The following RPH3A variants were observed in gnomAD, a reference collection of about 807,000 sequenced individuals.
RPH3A encodes the protein rabphilin 3A.
Under a neutral mutation model 102.2 loss-of-function variants are expected in RPH3A, and 48 were observed. The ratio of observed to expected loss-of-function variants is 0.47; its 90% CI spans 0.37 to 0.60. The LOEUF is 0.60. RPH3A is among the 20% of genes least tolerant of loss of function. The pLI, the probability that RPH3A is intolerant of heterozygous loss-of-function variation, is 0.00. For synonymous variants in RPH3A, 310 were observed against 324.3 expected, an observed-to-expected ratio of 0.96 and a Z score of 0.47; for missense variants, 781 against 910.1, an observed-to-expected ratio of 0.86 and a Z score of 1.83.
At chr12:112,762,931 G>A (rs1250804273) in intron 1 of RPH3A, among the ~76,000 whole-genome samples, 1 of 152,162 alleles carries the variant, frequency 6.6e-6, no homozygotes, top group Admixed American at 6.5e-5. Flanking sequence ...GACAGATTTG[G>A]GTCATGTGAC....
chr12:112,614,386 A>T (rs1380745383), intron 1 of RPH3A, among the ~76,000 whole-genome samples: 3 of 152,004 alleles, frequency 2.0e-5, no homozygotes, highest in Admixed American at 2.0e-4. Flanking sequence ...GTTGATGCAT[A>T]TAAGATCCTT....
At chr12:112,643,555 T>G (rs182419249) in intron 1 of RPH3A, among the ~76,000 whole-genome samples, 11 of 152,260 alleles carry the variant, frequency 7.2e-5, no homozygotes, top group Non-Finnish European at 1.6e-4. Flanking sequence ...TTCTGCTACA[T>G]GGGGCTTAAA....
At chr12:112,658,870 C>T (rs1190867381) in intron 1 of RPH3A, among the ~76,000 whole-genome samples, 1 of 152,128 alleles carries the variant, frequency 6.6e-6, no homozygotes, top group Non-Finnish European at 1.5e-5. Flanking sequence ...AGGCCAACGG[C>T]GCCTCATGGT....
chr12:112,704,179 C>T (rs1224039571), intron 1 of RPH3A, among the ~76,000 whole-genome samples: 1 of 152,038 alleles, frequency 6.6e-6, no homozygotes, highest in Non-Finnish European at 1.5e-5. Context: ...ACCTCCACCT[C>T]CCAGGTTCAA....
chr12:112,715,460 C>T lies in RPH3A; in HGVS notation c.-139-76683C>T, dbSNP rs79014412. Among the ~76,000 whole-genome samples, 1,310 of 152,216 alleles carry T rather than the reference C, an allele frequency of 8.6e-3. 9 individuals are homozygous for T. The highest frequency in any genetic ancestry group is 0.012 in the Admixed American group (184 of 15,292). On this transcript the variant is annotated intron_variant, in intron 1 of 21. Coordinates refer to the RPH3A transcript ENST00000543106. ...ACTCAAATGTAAGCACCATAAGAGC[C>T]GGGACTCTCACTGTTTTCTTCTTTA...
intron 1 of RPH3A, among the ~76,000 whole-genome samples, chr12:112,772,961 A>G (rs1449383363): frequency 1.3e-5 from 2 of 152,098 alleles, no homozygotes; most frequent in Non-Finnish European, 2.9e-5. Flanking sequence ...CTTAGCTCCC[A>G]CATATCAGTG....
At position 112,577,565 on chromosome 12, in the gene RPH3A, C is replaced by T. The variant is rs943234808; in HGVS notation, c.-140+2246C>T. On this transcript the variant is annotated intron_variant, in intron 1 of 21. Coordinates refer to the RPH3A transcript ENST00000543106. The stretch of plus-strand genomic sequence containing the variant: ...AGTCTTTGTGACCTGTATCTTGTGC[C>T]GACCTCCTATCTCATCCTGTGACTT... Among the ~76,000 whole-genome samples the T allele has an allele frequency of 3.9e-5, 6 of 152,188 alleles. 1 individual carries two copies. The highest frequency in any genetic ancestry group is 2.4e-5 in the African/African-American group (1 of 41,516).
intron 1 of RPH3A, among the ~76,000 whole-genome samples, chr12:112,670,239 G>T (rs1020996814): frequency 6.6e-6 from 1 of 152,180 alleles, no homozygotes; most frequent in Non-Finnish European, 1.5e-5. Flanking sequence ...CTGGAGTGCA[G>T]TGGTGCAATC....
At chr12:112,725,479 A>G (rs1396486486) in intron 1 of RPH3A, among the ~76,000 whole-genome samples, 1 of 152,096 alleles carries the variant, frequency 6.6e-6, no homozygotes, top group East Asian at 1.9e-4. Flanking sequence ...TGGTTGAGAC[A>G]GTGTGAATCG....
At chr12:112,831,703 T>A (rs1263507083) in intron 3 of RPH3A, 8 of 446,968 alleles carry the variant, frequency 1.8e-5, no homozygotes, top group Non-Finnish European at 3.6e-5. Flanking sequence ...TCTCTCAGAC[T>A]GTGTGTATCT....
chr12:112,723,485 C>T (rs886322399), intron 1 of RPH3A, among the ~76,000 whole-genome samples: 2 of 152,186 alleles, frequency 1.3e-5, no homozygotes, highest in Non-Finnish European at 1.5e-5. Flanking sequence ...AGCTGCAGAC[C>T]TCAATCCAAG....
At chr12:112,722,705 T>C (rs753481473) in intron 1 of RPH3A, among the ~76,000 whole-genome samples, 2 of 152,158 alleles carry the variant, frequency 1.3e-5, no homozygotes, top group Non-Finnish European at 2.9e-5. Context: ...CTTCCTGAAA[T>C]GTAGATGTTG....
intron 3 of RPH3A, among the ~76,000 whole-genome samples, 165 bp downstream of exon 3, chr12:112,828,554 C>T (rs540925912): frequency 2.0e-5 from 3 of 152,048 alleles, no homozygotes; most frequent in Non-Finnish European, 1.5e-5. Context: ...GACTATTTTG[C>T]GAGGTTGGAG....
chr12:112,815,213 G>A (rs1169880585), intron 2 of RPH3A, among the ~76,000 whole-genome samples: 3 of 152,212 alleles, frequency 2.0e-5, no homozygotes, highest in Admixed American at 1.3e-4. Context: ...AGAGCAGGAT[G>A]GAGGATGAAT....
intron 2 of RPH3A, among the ~76,000 whole-genome samples, chr12:112,809,044 C>T (rs1411580060): frequency 2.6e-5 from 4 of 152,082 alleles, no homozygotes; most frequent in African/African-American, 7.2e-5. Flanking sequence ...CCAAGGTGAT[C>T]CTAGCGCAGA....
intron 2 of RPH3A, among the ~76,000 whole-genome samples, chr12:112,801,868 A>G (rs917391987): frequency 2.6e-5 from 4 of 152,108 alleles, no homozygotes; most frequent in Admixed American, 2.0e-4. Flanking sequence ...ATGTCCCTTC[A>G]AAACAGTATT....
chr12:112,673,953 C>A (rs2040153524), intron 1 of RPH3A, among the ~76,000 whole-genome samples: 1 of 152,128 alleles, frequency 6.6e-6, no homozygotes, highest in South Asian at 2.1e-4. Context: ...GAGATGGATT[C>A]TTGTTATGTT....
intron 4 of RPH3A, among the ~76,000 whole-genome samples, chr12:112,847,099 C>T (rs2042243823): frequency 6.6e-6 from 1 of 152,122 alleles, no homozygotes; most frequent in Non-Finnish European, 1.5e-5. Context: ...GGCGGGCACA[C>T]AGTGGGCATG....
At chr12:112,617,562 A>C (rs1428379530) in intron 1 of RPH3A, among the ~76,000 whole-genome samples, 1 of 152,236 alleles carries the variant, frequency 6.6e-6, no homozygotes, top group East Asian at 1.9e-4. Context: ...GCTGTCCTCC[A>C]TGGCTCCCAG....
Sources: allele counts gnomAD v4.1 joint callset (sites outside exome capture counted in the v4.1 genomes callset), GRCh38; gene constraint gnomAD v4.1.1; transcripts MANE v1.5; gene names NCBI Gene and HGNC (gene_info 2026-07-23, HGNC 2026-07-21).